Variants in KCND2 observed in about 807,000 individuals in gnomAD.
KCND2 encodes the protein potassium voltage-gated channel subfamily D member 2.
Under a neutral mutation model 54.4 loss-of-function variants are expected in KCND2, and 16 were observed. The observed-to-expected ratio is 0.29, with a 90% CI of 0.20 to 0.45. KCND2 has a LOEUF of 0.45. KCND2 is among the 20% of genes least tolerant of loss of function. The pLI, the probability that KCND2 is intolerant of heterozygous loss-of-function variation, is 1.00. For synonymous variants in KCND2, 317 were observed against 310.7 expected (o/e 1.02, Z -0.21); for missense variants, 486 against 824.2 (o/e 0.59, Z 5.02).
chr7:120,502,061 G>T (rs867770808), intron 1 of KCND2, among the ~76,000 whole-genome samples: 2 of 152,018 alleles, frequency 1.3e-5, no homozygotes, highest in Non-Finnish European at 2.9e-5. Context: ...AGTCCCTAAT[G>T]CCTCTTTAAA....
At chr7:120,539,334 C>T (rs772092101) in intron 1 of KCND2, among the ~76,000 whole-genome samples, 2 of 152,190 alleles carry the variant, frequency 1.3e-5, no homozygotes, top group Non-Finnish European at 2.9e-5. Flanking sequence ...AGCTTTCAAA[C>T]TCATGGAATC....
intron 1 of KCND2, among the ~76,000 whole-genome samples, chr7:120,586,754 G>A (rs1792605485): frequency 6.6e-6 from 1 of 152,070 alleles, no homozygotes; most frequent in South Asian, 2.1e-4. Context: ...AGCATTTTAA[G>A]TAGGTGTTAT....
At position 120,273,408 on chromosome 7, in the gene KCND2, C is replaced by T. The variant is rs1262187015; in HGVS notation, c.-1225C>T. Among the ~76,000 whole-genome samples, 4 of 147,652 alleles carry T rather than the reference C, an allele frequency of 2.7e-5. No individual in the cohort carries two copies. The highest frequency in any genetic ancestry group is 9.8e-5 in the African/African-American group (4 of 40,946). ...CCCCACCGCGCCAACGCCGCCCGCC[C>T]GGCCGCCCCGCAGCCCCGCCGCCCC... On this transcript the variant is annotated 5_prime_UTR_variant, in exon 1 of 6. Transcript: ENST00000331113.
At chr7:120,503,892 T>C (rs1802974857) in intron 1 of KCND2, among the ~76,000 whole-genome samples, 1 of 152,012 alleles carries the variant, frequency 6.6e-6, no homozygotes, top group African/African-American at 2.4e-5. Context: ...GACCCTGAAG[T>C]TTCATTAGCT....
At position 120,678,392 on chromosome 7, in the gene KCND2, GA is replaced by G. The variant is rs1562906854; in HGVS notation, c.1116-54510del. On this transcript the variant is annotated intron_variant, in intron 1 of 5. Coordinates refer to ENST00000331113, the MANE Select transcript of KCND2 (RefSeq NM_012281.3). The stretch of plus-strand genomic sequence containing the variant: ...ATATATACGCACACACACATATATA[GA>G]CACATACACACATATATATACACAT... Among the ~76,000 whole-genome samples, 562 of 124,666 alleles carry G rather than the reference GA, an allele frequency of 4.5e-3. 5 individuals carry two copies. Among genetic ancestry groups the G allele is most frequent in the East Asian group, 0.03 (117 of 3,958 alleles). 81.8% of individuals were successfully genotyped at this position (124,666 alleles called of 152,430 possible). A position where few individuals can be genotyped will look rare whatever the true frequency, so the allele number is the denominator to read the frequency against.
intron 1 of KCND2, among the ~76,000 whole-genome samples, chr7:120,471,306 TC>T (rs1802449255): frequency 6.6e-6 from 1 of 152,106 alleles, no homozygotes; most frequent in Non-Finnish European, 1.5e-5. Flanking sequence ...GTGATATTAA[TC>T]CTCAAAATAA....
chr7:120,624,624 T>A (rs1443952134), intron 1 of KCND2, among the ~76,000 whole-genome samples: 1 of 151,688 alleles, frequency 6.6e-6, no homozygotes, highest in Admixed American at 6.6e-5. Context: ...AAGAAAAAAA[T>A]TCAAAAATTA....
chr7:120,575,947 T>G (rs1792426600), intron 1 of KCND2, among the ~76,000 whole-genome samples: 1 of 152,126 alleles, frequency 6.6e-6, no homozygotes, highest in Non-Finnish European at 1.5e-5. Context: ...CTTTATTTTT[T>G]CACACTCGCA....
chr7:120,610,821 T>C (rs1341903789), intron 1 of KCND2, among the ~76,000 whole-genome samples: 1 of 152,178 alleles, frequency 6.6e-6, no homozygotes, highest in African/African-American at 2.4e-5. Context: ...AACAGGGTAC[T>C]ACTCATCTGC....
At chr7:120,310,672 G>A (rs1381007791) in intron 1 of KCND2, among the ~76,000 whole-genome samples, 1 of 152,016 alleles carries the variant, frequency 6.6e-6, no homozygotes, top group Non-Finnish European at 1.5e-5. Context: ...GGTGGCTCAC[G>A]TGGTGGCTCA....
chr7:120,534,327 C>T (rs1791876935), intron 1 of KCND2, among the ~76,000 whole-genome samples: 1 of 152,090 alleles, frequency 6.6e-6, no homozygotes, highest in Non-Finnish European at 1.5e-5. Flanking sequence ...ACCTCCTTAC[C>T]TACCTAACCC....
intron 1 of KCND2, among the ~76,000 whole-genome samples, chr7:120,670,189 T>C (rs1377467683): frequency 6.6e-6 from 1 of 152,090 alleles, no homozygotes; most frequent in African/African-American, 2.4e-5. Context: ...TTGGTAAGAC[T>C]GCATTTTGGC....
At chr7:120,412,471 G>T (rs937560835) in intron 1 of KCND2, among the ~76,000 whole-genome samples, 4 of 151,750 alleles carry the variant, frequency 2.6e-5, no homozygotes, top group Non-Finnish European at 5.9e-5. Flanking sequence ...TTTGTATTTG[G>T]ACTCAAATTC....
At chr7:120,362,043 C>T (rs1256574675) in intron 1 of KCND2, among the ~76,000 whole-genome samples, 1 of 151,984 alleles carries the variant, frequency 6.6e-6, no homozygotes, top group Non-Finnish European at 1.5e-5. Context: ...TTTTCTATAG[C>T]TAGGAAGTTA....
At chr7:120,408,563 C>A (rs561752858) in intron 1 of KCND2, among the ~76,000 whole-genome samples, 7 of 151,976 alleles carry the variant, frequency 4.6e-5, no homozygotes, top group Non-Finnish European at 8.8e-5. Flanking sequence ...AAGTTTAAGA[C>A]TCGAATTATG....
intron 1 of KCND2, among the ~76,000 whole-genome samples, chr7:120,644,327 G>A (rs573369107): frequency 3.4e-4 from 52 of 152,190 alleles, no homozygotes; most frequent in Admixed American, 2.2e-3. Context: ...TTTCCGAGGC[G>A]CAGAAATATC....
At chr7:120,664,887 A>C (rs1193319589) in intron 1 of KCND2, among the ~76,000 whole-genome samples, 2 of 152,106 alleles carry the variant, frequency 1.3e-5, no homozygotes, top group Non-Finnish European at 2.9e-5. Flanking sequence ...TAGTAGAAAA[A>C]TATTTACCAA....
chr7:120,634,321 C>T (rs536117265), intron 1 of KCND2, among the ~76,000 whole-genome samples: 1 of 152,246 alleles, frequency 6.6e-6, no homozygotes, highest in South Asian at 2.1e-4. Context: ...AAAAATTTTA[C>T]ATAATGATTG....
chr7:120,579,017 T>C (rs1388247236), intron 1 of KCND2, among the ~76,000 whole-genome samples: 1 of 152,182 alleles, frequency 6.6e-6, no homozygotes, highest in Non-Finnish European at 1.5e-5. Flanking sequence ...TAAAATTTTT[T>C]CCTAGATATT....
Sources: gnomAD v4.1 joint callset for allele counts (sites outside exome capture counted in the v4.1 genomes callset) on GRCh38, gnomAD v4.1.1 for gene constraint, MANE v1.5 for transcripts, NCBI Gene and HGNC (gene_info 2026-07-23, HGNC 2026-07-21) for gene names.